RARS1: variants seen among roughly 807,000 people sequenced by gnomAD.
RARS1 encodes the protein arginine--tRNA ligase, cytoplasmic.
In RARS1, 75 loss-of-function variants were observed where a neutral mutation model predicts 78.7. The observed-to-expected ratio is 0.95, with a 90% CI of 0.79 to 1.15. The LOEUF (loss-of-function observed/expected upper bound fraction) is 1.15. Ranked by LOEUF, RARS1 falls within the 50% of genes most tolerant of loss-of-function variation. The pLI is 0.00. For synonymous variants in RARS1, 273 were observed against 268.2 expected (o/e 1.02, Z -0.18); for missense variants, 787 against 787.5 (o/e 1.00, Z 0.01).
At chr5:168,513,765 T>A (rs1013965219) in intron 12 of RARS1, among the ~76,000 whole-genome samples, 2 of 152,210 alleles carry the variant, frequency 1.3e-5, no homozygotes, top group Non-Finnish European at 2.9e-5. Context: ...TTTTCGCCCT[T>A]TCCTGCAGTT....
At chr5:168,510,433 CTT>C (rs1758541266) in intron 11 of RARS1, 146 bp from the exon 12 acceptor site, 3 of 651,090 alleles carry the variant, frequency 4.6e-6, no homozygotes, top group Non-Finnish European at 8.2e-6. Flanking sequence ...TCAACCCTCT[CTT>C]AATAGTTCTC....
chr5:168,506,643 A>G, intron 10 of RARS1, 79 bp from the exon 11 acceptor site: 2 of 1,079,110 alleles, frequency 1.9e-6, no homozygotes, highest in Non-Finnish European at 1.4e-6. Flanking sequence ...TTACAGATCT[A>G]TTCCTAAGCA....
At chr5:168,510,815 C>T (rs375562295) in intron 12 of RARS1, 129 bp downstream of exon 12, 40 of 547,676 alleles carry the variant, frequency 7.3e-5, no homozygotes, top group Non-Finnish European at 1.1e-4. Context: ...ATTGCTCTGA[C>T]TTTATTGCAC....
chr5:168,518,097 G>GTTTTTTTTTTTTTTTTTTTTTTTT (rs1561829748), intron 14 of RARS1, 35 bp downstream of exon 14: 1 of 920,026 alleles, frequency 1.1e-6, no homozygotes, highest in African/African-American at 5.1e-5. Context: ...TTTTTTTTTA[G>GTTTTTTTTTTTTTTTTTTTTTTTT]TGAGAGACAC....
At chr5:168,514,241 A>T (rs1033952316) in intron 12 of RARS1, among the ~76,000 whole-genome samples, 3 of 152,118 alleles carry the variant, frequency 2.0e-5, no homozygotes, top group Non-Finnish European at 4.4e-5. Context: ...AACTTCCTAA[A>T]TCTGTGGGTT....
intron 5 of RARS1, chr5:168,495,102 G>C (rs1414826562): frequency 1.3e-6 from 1 of 768,454 alleles, no homozygotes; most frequent in Non-Finnish European, 1.8e-6. Flanking sequence ...ACATGAATTT[G>C]ATTCTTTTTC....
chr5:168,500,541 GGATTA>G, intron 7 of RARS1, 45 bp from the exon 8 acceptor site: 2 of 1,385,180 alleles, frequency 1.4e-6, no homozygotes, highest in Non-Finnish European at 1.9e-6. Context: ...TAGAAATACA[GGATTA>G]GATCTTTTTA....
chr5:168,518,071 CTTTTTTTTTTTTTTT>C lies in RARS1; in HGVS notation c.1873+19_1873+33del. The C allele has an allele frequency of 1.3e-6, 1 of 747,560 alleles. No individual in the cohort carries two copies. Among genetic ancestry groups the C allele is most frequent in the African/African-American group, 4.7e-5 (1 of 21,232 alleles). The allele number at this position is 747,560 out of a possible 1,614,324, so 46.3% of individuals were successfully genotyped here. On this transcript the variant is annotated intron_variant, in intron 14 of 14. Transcript: ENST00000231572. ...GAAAGATAGACAGACTGGTGAGTGT[CTTTTTTTTTTTTTTT>C]TTTTTTTTTAGTGAGAGACACGGAT...
chr5:168,511,002 A>G (rs762122115), intron 12 of RARS1, among the ~76,000 whole-genome samples: 5 of 152,174 alleles, frequency 3.3e-5, no homozygotes, highest in Non-Finnish European at 5.9e-5. Flanking sequence ...TCGTCAGCTC[A>G]CATCAGAGTC....
At chr5:168,509,436 AC>A (rs780864475) in intron 11 of RARS1, among the ~76,000 whole-genome samples, 1 of 54,528 alleles carries the variant, frequency 1.8e-5, no homozygotes, top group Admixed American at 2.1e-4. Context: ...GATTTTTTAA[AC>A]ACCCCCCCCC....
At chr5:168,494,068 G>T (rs1359443923) in intron 4 of RARS1, 66 bp downstream of exon 4, 2 of 1,436,074 alleles carry the variant, frequency 1.4e-6, no homozygotes, top group Non-Finnish European at 1.9e-6. Flanking sequence ...AGTTAAAAAA[G>T]AACACACATT....
intron 2 of RARS1, among the ~76,000 whole-genome samples, chr5:168,490,409 C>G (rs1328465305): frequency 1.3e-5 from 2 of 151,780 alleles, no homozygotes; most frequent in East Asian, 3.9e-4. Flanking sequence ...CTCAAGTAAT[C>G]CTCCCACCTC....
At chr5:168,488,512 A>G (rs1161642256) in intron 1 of RARS1, 90 bp from the exon 2 acceptor site, 4 of 1,360,392 alleles carry the variant, frequency 2.9e-6, no homozygotes, top group East Asian at 4.7e-5. Flanking sequence ...GGGAACATTA[A>G]TGATTCCCAT....
intron 12 of RARS1, among the ~76,000 whole-genome samples, chr5:168,514,091 G>A (rs2113030565): frequency 6.6e-6 from 1 of 152,178 alleles, no homozygotes; most frequent in East Asian, 1.9e-4. Context: ...AAGTTTCATT[G>A]TTTCTCCTTT....
At chr5:168,496,891 A>G (rs1374136110) in intron 6 of RARS1, 1 of 190,292 alleles carries the variant, frequency 5.3e-6, no homozygotes, top group East Asian at 1.3e-4. Context: ...TTGTGGGAAT[A>G]ACCAACATTG....
Position 168,495,360 on chromosome 5 carries a change from G to A in RARS1, c.625G>A (p.Val209Ile), listed in dbSNP as rs1470157190. 2 of 1,614,036 alleles carry A rather than the reference G, an allele frequency of 1.2e-6. No homozygotes were observed. The highest frequency in any genetic ancestry group is 3.3e-5 in the Admixed American group (2 of 60,014). Reference sequence around the variant, plus strand: ...CCCTAATATAGCTAAAGAGATGCATGTAGGCCACCTGAGGTCAACTATCAT... The same window carrying A: ...CCCTAATATAGCTAAAGAGATGCATATAGGCCACCTGAGGTCAACTATCAT... ...SSPNIAKEMH[V>I]GHLRSTIIGE... Residue 209 changes from valine (V) to isoleucine (I), a missense_variant, in exon 6 of 15, where the codon GTA becomes ATA. Coordinates refer to ENST00000231572, the MANE Select transcript of RARS1 (RefSeq NM_002887.4).
chr5:168,510,520 C>T, intron 11 of RARS1, 61 bp from the exon 12 acceptor site: 3 of 1,302,696 alleles, frequency 2.3e-6, no homozygotes, highest in East Asian at 2.4e-5. Context: ...CCTTCATTTT[C>T]AAAGATTTCT....
intron 3 of RARS1, 186 bp downstream of exon 3, chr5:168,493,033 G>A: frequency 1.9e-6 from 1 of 525,984 alleles, no homozygotes; most frequent in Non-Finnish European, 3.3e-6. Flanking sequence ...CAATTTTTAA[G>A]GTTTGGTTAA....
At chr5:168,488,142 T>C in intron 1 of RARS1, 1 of 375,638 alleles carries the variant, frequency 2.7e-6, no homozygotes, top group Non-Finnish European at 5.2e-6. Context: ...TTTTCTTTTT[T>C]TTTGAAACAG....
Sources: gnomAD v4.1 joint callset for allele counts (sites outside exome capture counted in the v4.1 genomes callset) on GRCh38, gnomAD v4.1.1 for gene constraint, MANE v1.5 for transcripts, NCBI Gene and HGNC (gene_info 2026-07-23, HGNC 2026-07-21) for gene names.